Variants in SPECC1 observed in about 807,000 individuals in gnomAD.
The protein encoded by SPECC1 is cytospin-B.
In SPECC1, 62 loss-of-function variants were observed where a neutral mutation model predicts 104.1. That is an observed-to-expected ratio of 0.60 (90% CI 0.49 to 0.74). The LOEUF (loss-of-function observed/expected upper bound fraction) is 0.74. Among genes scored for constraint, SPECC1 ranks in the 30% least tolerant of loss-of-function variants. The pLI is 0.00. For synonymous variants in SPECC1, 513 were observed against 501.6 expected, an observed-to-expected ratio of 1.02 and a Z score of -0.30; for missense variants, 1,306 against 1,310.5, an observed-to-expected ratio of 1.00 and a Z score of 0.05.
At chr17:20,233,745 A>C (rs556230150) in intron 7 of SPECC1, among the ~76,000 whole-genome samples, 47 of 152,300 alleles carry the variant, frequency 3.1e-4, no homozygotes, top group Middle Eastern at 6.8e-3. Context: ...GAGAATAGGA[A>C]AACTAGGTTT....
At chr17:20,144,562 C>T (rs2031245920) in intron 3 of SPECC1, among the ~76,000 whole-genome samples, 1 of 152,162 alleles carries the variant, frequency 6.6e-6, no homozygotes, top group Non-Finnish European at 1.5e-5. Context: ...ACACAAAATA[C>T]ATAGGAAGGT....
rs759386454 is a variant in SPECC1, at chr17:20,110,557, G to A, written c.278G>A (p.Gly93Asp). The stretch of plus-strand genomic sequence containing the variant: ...CTCACGGAGAGCCGCCTGAGGAGCG[G>A]CACAGGTAGGAGGGACCGGGCAGGT... ...SELTESRLRS[G>D]TGAFTTTKRT... The change falls in exon 3 of 15, where the codon GGC becomes GAC. Residue 93 changes from glycine to aspartate, a missense_variant. Gly to Asp is a moderately conservative substitution (Grantham distance 94). Coordinates refer to ENST00000395527, the MANE Select transcript of SPECC1 (RefSeq NM_001243439.2). 2.5e-6 allele frequency: 4 copies of A among 1,612,626 alleles called. No individual in the cohort carries two copies. The highest frequency in any genetic ancestry group is 3.4e-6 in the Non-Finnish European group (4 of 1,179,582).
intron 12 of SPECC1, 130 bp downstream of exon 12, chr17:20,260,424 G>T (rs2039985342): frequency 2.7e-6 from 2 of 735,348 alleles, no homozygotes; most frequent in African/African-American, 1.8e-5. Context: ...ATTCTCCTAG[G>T]CAGGGCTGCC....
chr17:20,135,646 C>G (rs1011259585), intron 3 of SPECC1, among the ~76,000 whole-genome samples: 1 of 152,088 alleles, frequency 6.6e-6, no homozygotes, highest in African/African-American at 2.4e-5. Flanking sequence ...TAGACAGAGT[C>G]TTACTATGTT....
intron 3 of SPECC1, among the ~76,000 whole-genome samples, chr17:20,190,986 A>G (rs1377228798): frequency 6.6e-6 from 1 of 152,142 alleles, no homozygotes; most frequent in Non-Finnish European, 1.5e-5. Flanking sequence ...AGAATGTCAT[A>G]GTTGGAATCA....
At chr17:20,301,856 G>A (rs1445072301) in intron 13 of SPECC1, among the ~76,000 whole-genome samples, 1 of 152,034 alleles carries the variant, frequency 6.6e-6, no homozygotes, top group Non-Finnish European at 1.5e-5. Flanking sequence ...CAGGCACACG[G>A]CACTACACCT....
intron 11 of SPECC1, among the ~76,000 whole-genome samples, chr17:20,258,284 G>T (rs1298110941): frequency 6.6e-6 from 1 of 152,198 alleles, no homozygotes; most frequent in Non-Finnish European, 1.5e-5. Flanking sequence ...AAGAAGGACT[G>T]TCACAGGGAT....
At chr17:20,173,479 TGATTATGG>T (rs2034237084) in intron 3 of SPECC1, among the ~76,000 whole-genome samples, 1 of 152,240 alleles carries the variant, frequency 6.6e-6, no homozygotes. Flanking sequence ...GGCTCACAAA[TGATTATGG>T]TGACATTCAG....
chr17:20,298,948 A>AGAGAGTGG, intron 13 of SPECC1, among the ~76,000 whole-genome samples: 1 of 49,072 alleles, frequency 2.0e-5, no homozygotes, highest in African/African-American at 9.3e-5. Flanking sequence ...AGAGAGAGAG[A>AGAGAGTGG]GTGTGTGTGT....
In SPECC1 at chr17:20,134,425, C is replaced by T. The variant is rs115484795; in HGVS notation, c.283+23863C>T. 6.8e-3 allele frequency among the ~76,000 whole-genome samples: 1,038 copies of T among 151,806 alleles called. 18 individuals are homozygous for T. Among genetic ancestry groups the T allele is most frequent in the African/African-American group, 0.023 (965 of 41,386 alleles). On this transcript the variant is annotated intron_variant, in intron 3 of 14. Transcript: ENST00000395527. ...TGCATGACTCCATAACATCCTTTCA[C>T]TGCCCCATACTCAGCTCCCATGCTG...
rs1369933056 is a variant in SPECC1, at chr17:20,314,626, C to G, written c.*561C>G. The G allele has an allele frequency of 4.3e-6, 1 of 232,324 alleles. No individual in the cohort carries two copies. The highest frequency in any genetic ancestry group is 2.2e-5 in the African/African-American group (1 of 45,160). 14.4% of individuals were successfully genotyped at this position (232,324 alleles called of 1,614,324 possible). ...CTGCACTCCAGCCTGTGTGAAAGAG[C>G]CAGACCCTGTCTCAAAAAAATGATA... On this transcript the variant is annotated 3_prime_UTR_variant, in exon 15 of 15. Coordinates refer to ENST00000395527, the MANE Select transcript of SPECC1 (RefSeq NM_001243439.2).
chr17:20,052,651 G>T (rs2045818099), intron 1 of SPECC1, among the ~76,000 whole-genome samples: 1 of 152,182 alleles, frequency 6.6e-6, no homozygotes, highest in Non-Finnish European at 1.5e-5. Flanking sequence ...CATAGAGGAG[G>T]TTCTCAGGCC....
At chr17:20,127,918 C>T (rs2049403475) in intron 3 of SPECC1, among the ~76,000 whole-genome samples, 2 of 151,994 alleles carry the variant, frequency 1.3e-5, no homozygotes, top group African/African-American at 4.8e-5. Flanking sequence ...TGGCAGAGGC[C>T]TCAACTTAGT....
At chr17:20,272,954 A>T (rs1261420331) in intron 12 of SPECC1, among the ~76,000 whole-genome samples, 2 of 152,096 alleles carry the variant, frequency 1.3e-5, no homozygotes, top group South Asian at 2.1e-4. Context: ...CTCTATCTTT[A>T]TGCTGGAGGT....
In SPECC1 at chr17:20,310,474, C is replaced by A. The variant is rs117526661; in HGVS notation, c.3118-3502C>A. 7.5e-4 allele frequency among the ~76,000 whole-genome samples: 114 copies of A among 152,222 alleles called. 6 individuals are homozygous for A. In the East Asian group the frequency reaches 0.021, roughly 28 times the overall value. ...TTTAAAAATGAAGCTCTATAGTGTT[C>A]CCCAGATATTAGAAAGTGTTCTTTC... On this transcript the variant is annotated intron_variant, in intron 14 of 14. Transcript: ENST00000395527.
At chr17:20,155,961 G>T in intron 3 of SPECC1, 1 of 1,259,626 alleles carries the variant, frequency 7.9e-7, no homozygotes, top group Non-Finnish European at 1.0e-6. Context: ...GGATGCAGAT[G>T]AAGGGGGCGG....
intron 3 of SPECC1, among the ~76,000 whole-genome samples, chr17:20,115,851 C>CA (rs1470892063): frequency 1.3e-5 from 2 of 152,140 alleles, no homozygotes; most frequent in Non-Finnish European, 2.9e-5. Context: ...TATCACCAGT[C>CA]ATCTAAAATT....
At chr17:20,076,483 A>T (rs181431663) in intron 1 of SPECC1, among the ~76,000 whole-genome samples, 21 of 152,326 alleles carry the variant, frequency 1.4e-4, no homozygotes, top group African/African-American at 4.6e-4. Flanking sequence ...TACAGGGATG[A>T]GCCACTGCAC....
intron 3 of SPECC1, among the ~76,000 whole-genome samples, chr17:20,185,478 G>A (rs763095393): frequency 1.3e-5 from 2 of 152,230 alleles, no homozygotes; most frequent in Non-Finnish European, 2.9e-5. Context: ...ACAGTCCGTG[G>A]AGCTGTCATC....
Sources: allele counts gnomAD v4.1 joint callset (sites outside exome capture counted in the v4.1 genomes callset), GRCh38; gene constraint gnomAD v4.1.1; transcripts MANE v1.5; gene names NCBI Gene and HGNC (gene_info 2026-07-23, HGNC 2026-07-21).